Variants in JADE3 observed in about 807,000 individuals in gnomAD.
The protein encoded by JADE3 is protein Jade-3.
JADE3 carries 2 observed loss-of-function variants against 50.1 expected under a neutral mutation model. The ratio of observed to expected loss-of-function variants is 0.04; its 90% CI spans 0.02 to 0.13. The LOEUF is 0.13. Among genes scored for constraint, JADE3 ranks in the 10% least tolerant of loss-of-function variants. JADE3 has a pLI of 1.00. For missense variants in JADE3, 475 were observed against 634.4 expected (o/e 0.75, Z 2.70); for synonymous variants, 218 against 232.9 (o/e 0.94, Z 0.58).
At chrX:46,980,276 G>A (rs1017590584) in intron 1 of JADE3, among the ~76,000 whole-genome samples, 1 of 111,225 alleles carries the variant, frequency 9.0e-6, no homozygotes, top group Non-Finnish European at 1.9e-5. Flanking sequence ...TCAGATATGT[G>A]TTTTATAATA....
chrX:46,959,215 T>C (rs192900628), intron 1 of JADE3, among the ~76,000 whole-genome samples: 1 of 112,486 alleles, frequency 8.9e-6, no homozygotes, highest in Non-Finnish European at 1.9e-5. Flanking sequence ...CAAATCTCCT[T>C]TTCTCACCTG....
At chrX:46,935,899 C>T (rs1160508296) in intron 1 of JADE3, among the ~76,000 whole-genome samples, 11 of 94,112 alleles carry the variant, frequency 1.2e-4, no homozygotes, top group African/African-American at 4.5e-4. Context: ...GGCGTGAACA[C>T]GGCTCACTGC....
rs782311307 is a variant in JADE3 at position 46,985,707 on chromosome X, T to C, written c.47-6T>C. 1.0e-4 allele frequency: 121 copies of C among 1,163,837 alleles called. 1 individual carries two copies. The Admixed American group carries it at 2.6e-3, about 25-fold the overall frequency. Reference sequence around the variant, plus strand: ...CTCAGTATTTTTTTCTAATTATCTTTCACAGGTCCTTCCACTTCCTTTACT... The same window carrying C: ...CTCAGTATTTTTTTCTAATTATCTTCCACAGGTCCTTCCACTTCCTTTACT... On this transcript the variant is annotated splice_region_variant and splice_polypyrimidine_tract_variant and intron_variant, in intron 2 of 10. Transcript: ENST00000614628.
Position 46,977,871 on chromosome X carries a change from G to A in JADE3, c.-11-7013G>A. ...GGAGACTGGAAGAGTGTAATCCCCA[G>A]TTCTTGGGAAGAGAGGGGCCATTGT... On this transcript the variant is annotated intron_variant, in intron 1 of 10. Coordinates refer to ENST00000614628, the MANE Select transcript of JADE3 (RefSeq NM_014735.5). Among the ~76,000 whole-genome samples the A allele has an allele frequency of 2.7e-5, 3 of 111,664 alleles. 1 individual carries two copies. The Middle Eastern group carries it at 0.014, about 510-fold the overall frequency.
chrX:47,049,758 T>C (rs1324225816), intron 8 of JADE3, among the ~76,000 whole-genome samples: 4 of 88,637 alleles, frequency 4.5e-5, no homozygotes, highest in Admixed American at 1.2e-4. Flanking sequence ...TCTTCTTCTT[T>C]TTTTTTTTTT....
At chrX:46,930,558 G>A (rs1050360312) in intron 1 of JADE3, among the ~76,000 whole-genome samples, 8 of 112,234 alleles carry the variant, frequency 7.1e-5, no homozygotes, top group Admixed American at 1.9e-4. Flanking sequence ...CATGACCATG[G>A]CAGGTTTTCA....
At chrX:46,987,834 G>A (rs1332247988) in intron 3 of JADE3, among the ~76,000 whole-genome samples, 1 of 111,963 alleles carries the variant, frequency 8.9e-6, no homozygotes, top group Non-Finnish European at 1.9e-5. Context: ...CTTTTTTGTT[G>A]CAAGGGATAG....
chrX:46,979,678 AC>A (rs1927698908), intron 1 of JADE3, among the ~76,000 whole-genome samples: 1 of 110,965 alleles, frequency 9.0e-6, no homozygotes, highest in Non-Finnish European at 1.9e-5. Flanking sequence ...CAAGCCATGT[AC>A]GAGTGATATA....
At chrX:46,975,623 G>C (rs782103044) in intron 1 of JADE3, among the ~76,000 whole-genome samples, 8 of 107,928 alleles carry the variant, frequency 7.4e-5, no homozygotes, top group Non-Finnish European at 1.5e-4. Context: ...GTGATAGGTC[G>C]GTTTTATTTT....
intron 4 of JADE3, among the ~76,000 whole-genome samples, chrX:47,004,117 G>A (rs935028293): frequency 9.2e-6 from 1 of 109,003 alleles, no homozygotes; most frequent in Admixed American, 1.0e-4. Context: ...GTAGAGACAG[G>A]GTTTCACCAT....
chrX:46,940,381 G>A (rs1236237072), intron 1 of JADE3, among the ~76,000 whole-genome samples: 1 of 112,174 alleles, frequency 8.9e-6, no homozygotes, highest in African/African-American at 3.2e-5. Context: ...CTAGGTATTT[G>A]AAAATTGTTG....
chrX:47,011,978 A>G (rs1875739233), intron 4 of JADE3, among the ~76,000 whole-genome samples: 1 of 111,874 alleles, frequency 8.9e-6, no homozygotes, highest in Non-Finnish European at 1.9e-5. Context: ...TCATTTGAGT[A>G]TGTATGTCCT....
chrX:46,966,683 A>AG (rs782779454), intron 1 of JADE3, among the ~76,000 whole-genome samples: 1 of 111,740 alleles, frequency 8.9e-6, no homozygotes, highest in Admixed American at 9.6e-5. Context: ...AGAGATTGAG[A>AG]GTAAGGAAGG....
rs1556373935 is a variant in JADE3 at position 47,058,477 on chromosome X, A to G, written c.1872A>G (p.Arg624=). 8.3e-7 allele frequency: 1 copy of G among 1,211,027 alleles called. No homozygotes were observed. Among genetic ancestry groups the G allele is most frequent in the Admixed American group, 2.2e-5 (1 of 45,944 alleles). The part of the protein sequence containing the change: ...SEAKESSPAW[R]TPSSECYHGQ... ...CAAAGGAGTCCAGTCCTGCTTGGAG[A>G]ACCCCGTCCTCGGAGTGCTATCATG... The change falls in exon 11 of 11, where the codon AGA becomes AGG. Residue 624 remains arginine (R), a synonymous_variant. Coordinates refer to ENST00000614628, the MANE Select transcript of JADE3 (RefSeq NM_014735.5).
chrX:46,947,152 T>C (rs1333443056), intron 1 of JADE3, among the ~76,000 whole-genome samples: 1 of 111,678 alleles, frequency 9.0e-6, no homozygotes, highest in Non-Finnish European at 1.9e-5. Context: ...CCTGAGTAGC[T>C]GGGATTATAG....
chrX:47,010,694 G>A (rs1179113909), intron 4 of JADE3, among the ~76,000 whole-genome samples: 3 of 110,772 alleles, frequency 2.7e-5, no homozygotes, highest in Non-Finnish European at 5.7e-5. Flanking sequence ...GTCATTCTCC[G>A]CTTCCCCCAG....
intron 1 of JADE3, among the ~76,000 whole-genome samples, chrX:46,955,503 A>G (rs1012474386): frequency 8.9e-6 from 1 of 112,350 alleles, no homozygotes; most frequent in Non-Finnish European, 1.9e-5. Flanking sequence ...GCCTATAATA[A>G]CTATTAGTCC....
At chrX:46,963,195 G>A (rs1336541562) in intron 1 of JADE3, among the ~76,000 whole-genome samples, 1 of 111,657 alleles carries the variant, frequency 9.0e-6, no homozygotes, top group African/African-American at 3.3e-5. Flanking sequence ...CTCTGGACAG[G>A]GGAGGTACCT....
intron 1 of JADE3, among the ~76,000 whole-genome samples, chrX:46,915,350 A>G (rs1268108463): frequency 8.9e-6 from 1 of 112,177 alleles, no homozygotes; most frequent in Non-Finnish European, 1.9e-5. Flanking sequence ...ACATTAAGAA[A>G]ATCTCTCATT....
Sources: gnomAD v4.1 joint callset for allele counts (sites outside exome capture counted in the v4.1 genomes callset) on GRCh38, gnomAD v4.1.1 for gene constraint, MANE v1.5 for transcripts, NCBI Gene and HGNC (gene_info 2026-07-23, HGNC 2026-07-21) for gene names.